Variants in UNK observed in about 807,000 individuals in gnomAD.
UNK encodes the protein unk zinc finger.
In UNK, 32 loss-of-function variants were observed where a neutral mutation model predicts 97.6. The observed-to-expected ratio is 0.33, with a 90% confidence interval of 0.25 to 0.44. The LOEUF (loss-of-function observed/expected upper bound fraction) is 0.44, where lower values mean the gene tolerates loss of function less well. UNK is among the 20% of genes least tolerant of loss of function. UNK has a pLI of 1.00. For synonymous variants in UNK, 441 were observed against 461.2 expected (o/e 0.96, Z 0.56); for missense variants, 771 against 1,098.4 (o/e 0.70, Z 4.21).
rs1246282392 is a variant in UNK, at chr17:75,793,848, A to G, written c.104+8864A>G. The G allele has an allele frequency of 3.0e-6, 3 of 985,314 alleles. No individual in the cohort carries two copies. In the East Asian group the frequency reaches 3.4e-4, roughly 112 times the overall value. 61.0% of individuals were successfully genotyped at this position (985,314 alleles called of 1,614,324 possible). On this transcript the variant is annotated intron_variant, in intron 1 of 15. Transcript: ENST00000589666. ...TCACAAGTCTACCCCCACATAAGAG[A>G]AGTAGTTATGTTCTGTAAAGAAGAG...
chr17:75,788,452 A>G (rs985936340), intron 1 of UNK, among the ~76,000 whole-genome samples: 2 of 152,144 alleles, frequency 1.3e-5, no homozygotes, highest in African/African-American at 4.8e-5. Context: ...TGCTGGGATT[A>G]CAGGCGTGAG....
intron 1 of UNK, among the ~76,000 whole-genome samples, chr17:75,787,737 A>G (rs2061725700): frequency 6.6e-6 from 1 of 151,538 alleles, no homozygotes; most frequent in South Asian, 2.1e-4. Flanking sequence ...AGGCAGGAGA[A>G]TCGCTTGAAC....
rs191790485 is a variant in UNK at position 75,788,682 on chromosome 17, A to T, written c.104+3698A>T. 1.3e-3 allele frequency among the ~76,000 whole-genome samples: 195 copies of T among 150,134 alleles called. 3 individuals are homozygous for T. In the East Asian group the frequency reaches 0.031, roughly 24 times the overall value. ...TATTTTTATTTTTAATTTTTTTTTT[A>T]AATTTATTTTTGTCACCCAGGTTGG... is the stretch of plus-strand genomic sequence containing the variant. On this transcript the variant is annotated intron_variant, in intron 1 of 15. Transcript: ENST00000589666.
chr17:75,792,515 A>G (rs1900492149), intron 1 of UNK: 1 of 982,100 alleles, frequency 1.0e-6, no homozygotes, highest in Non-Finnish European at 1.2e-6. Flanking sequence ...ATATATAAAA[A>G]TTACATTAGC....
At chr17:75,788,820 A>G (rs2061737265) in intron 1 of UNK, among the ~76,000 whole-genome samples, 1 of 152,194 alleles carries the variant, frequency 6.6e-6, no homozygotes, top group African/African-American at 2.4e-5. Flanking sequence ...TTTCTTATAC[A>G]TTAATTAATT....
chr17:75,807,243 T>C (rs2061926588), intron 1 of UNK, among the ~76,000 whole-genome samples: 1 of 152,138 alleles, frequency 6.6e-6, no homozygotes, highest in African/African-American at 2.4e-5. Context: ...GGATGCCAGC[T>C]GGGAATAGTG....
intron 1 of UNK, among the ~76,000 whole-genome samples, chr17:75,790,016 G>A (rs1269533224): frequency 4.6e-5 from 7 of 152,068 alleles, no homozygotes; most frequent in South Asian, 2.1e-4. Flanking sequence ...GGTGGCGGGC[G>A]CCTGTAATCC....
intron 7 of UNK, 40 bp downstream of exon 7, chr17:75,815,293 A>C: frequency 6.4e-7 from 1 of 1,566,440 alleles, no homozygotes; most frequent in Non-Finnish European, 8.7e-7. Context: ...GCCCTCTCCC[A>C]CCCCTCCCTC....
Position 75,817,136 on chromosome 17 carries a change from A to G in UNK, c.1105-190A>G, listed in dbSNP as rs1252502153. Among the ~76,000 whole-genome samples the G allele has an allele frequency of 6.7e-6, 1 of 148,858 alleles. No individual in the cohort carries two copies. The highest frequency in any genetic ancestry group is 1.5e-5 in the Non-Finnish European group (1 of 66,584). On this transcript the variant is annotated intron_variant, in intron 8 of 15. Transcript: ENST00000589666. This position sits in a 1 kb window ranked among gnomAD's most constrained non-coding sequence, Gnocchi z 5.8. ...CTGATGAGCCTGTAGGACTGGTGGC[A>G]GGGACAAAGCCTGAGGTCACTCCCC...
At chr17:75,798,461 T>G (rs904693562) in intron 1 of UNK, among the ~76,000 whole-genome samples, 10 of 152,134 alleles carry the variant, frequency 6.6e-5, no homozygotes, top group African/African-American at 2.4e-4. Flanking sequence ...CACCTTGGCC[T>G]CCCAAAGTGC....
chr17:75,821,317 C>T (rs1460792078), intron 13 of UNK: 2 of 451,960 alleles, frequency 4.4e-6, no homozygotes. Flanking sequence ...GTAAGTGCAA[C>T]AGTCCCTGCT....
At chr17:75,812,717 C>T (rs1383289937) in intron 4 of UNK, 132 bp downstream of exon 4, 11 of 1,364,456 alleles carry the variant, frequency 8.1e-6, no homozygotes, top group Non-Finnish European at 9.7e-6. Context: ...ACCCTACACC[C>T]ACCATTCAAA....
At chr17:75,813,668 C>T (rs1375712392) in intron 5 of UNK, 93 bp from the exon 6 acceptor site, 2 of 1,083,124 alleles carry the variant, frequency 1.8e-6, no homozygotes, top group Non-Finnish European at 2.6e-6. Context: ...CATTTCTGTG[C>T]TCATGCCTAT....
At chr17:75,800,852 CT>C (rs1458481136) in intron 1 of UNK, among the ~76,000 whole-genome samples, 1 of 152,106 alleles carries the variant, frequency 6.6e-6, no homozygotes, top group Non-Finnish European at 1.5e-5. Flanking sequence ...CAACAGGAGA[CT>C]GACTATATGT....
intron 14 of UNK, among the ~76,000 whole-genome samples, chr17:75,823,038 T>G (rs1289563585): frequency 6.6e-6 from 1 of 152,170 alleles, no homozygotes; most frequent in African/African-American, 2.4e-5. Flanking sequence ...CCTGTGTCCC[T>G]GCTGTGCTAG....
intron 1 of UNK, chr17:75,792,542 C>G: frequency 6.3e-6 from 6 of 949,116 alleles, no homozygotes; most frequent in Non-Finnish European, 7.5e-6. Flanking sequence ...GCTAACAATG[C>G]CAAGAATTTA....
At chr17:75,787,096 T>G (rs961224572) in intron 1 of UNK, among the ~76,000 whole-genome samples, 1 of 152,236 alleles carries the variant, frequency 6.6e-6, no homozygotes, top group African/African-American at 2.4e-5. Flanking sequence ...CTTGCTAGAC[T>G]TACTAGCATT....
chr17:75,802,377 C>T (rs1487308884), intron 1 of UNK, among the ~76,000 whole-genome samples: 1 of 149,796 alleles, frequency 6.7e-6, no homozygotes, highest in East Asian at 2.0e-4. Flanking sequence ...TTCACTTCAG[C>T]CTCCCAAGTA....
intron 6 of UNK, 39 bp downstream of exon 6, chr17:75,813,917 G>T (rs758458798): frequency 1.4e-5 from 22 of 1,520,192 alleles, no homozygotes; most frequent in South Asian, 1.4e-4. Flanking sequence ...GCTTTGGGAA[G>T]TAAGGAGAGA....
Sources: allele counts gnomAD v4.1 joint callset (sites outside exome capture counted in the v4.1 genomes callset), GRCh38; gene constraint gnomAD v4.1.1; non-coding constraint Gnocchi (gnomAD v3.1); transcripts MANE v1.5; gene names NCBI Gene and HGNC (gene_info 2026-07-23, HGNC 2026-07-21).